DPP9: variants seen among roughly 807,000 people sequenced by gnomAD.
The protein encoded by DPP9 is dipeptidyl peptidase IV-related protein-2.
Under a neutral mutation model 110.7 loss-of-function variants are expected in DPP9, and 50 were observed. The observed-to-expected ratio is 0.45, with a 90% CI of 0.36 to 0.57. DPP9 has a LOEUF of 0.57. DPP9 is among the 20% of genes least tolerant of loss of function. DPP9 has a pLI of 0.00. For missense variants in DPP9, 1,022 were observed against 1,217.9 expected (o/e 0.84, Z 2.39); for synonymous variants, 561 against 514.4 (o/e 1.09, Z -1.23).
At chr19:4,691,677 T>G (rs1795749955) in intron 13 of DPP9, among the ~76,000 whole-genome samples, 3 of 145,704 alleles carry the variant, frequency 2.1e-5, no homozygotes, top group Non-Finnish European at 4.5e-5. Context: ...AGACTTTTTT[T>G]TTTTTTTTTT....
intron 2 of DPP9, among the ~76,000 whole-genome samples, 197 bp from the exon 3 acceptor site, chr19:4,720,138 C>T (rs888283335): frequency 6.6e-6 from 1 of 152,180 alleles, no homozygotes; most frequent in Non-Finnish European, 1.5e-5. Flanking sequence ...TGGGCATTTG[C>T]CAGAGCCCGT....
intron 10 of DPP9, among the ~76,000 whole-genome samples, chr19:4,699,970 C>T (rs1014533342): frequency 2.6e-5 from 4 of 152,202 alleles, no homozygotes; most frequent in Admixed American, 6.5e-5. Context: ...TTCCTTACCG[C>T]GGCGTGGCCT....
In DPP9 at chr19:4,695,924, A is replaced by G. The variant is rs551066646; in HGVS notation, c.1176-369T>C. On this transcript the variant is annotated intron_variant, in intron 11 of 21. Coordinates refer to ENST00000262960, the MANE Select transcript of DPP9 (RefSeq NM_139159.5). This position sits in a 1 kb window ranked among gnomAD's most constrained non-coding sequence, Gnocchi z 4.7. Reference sequence around the variant, plus strand: ...TTATTTCTTTATTTAATTTTTTGAGACAGAGTTTCACTCTTGTCCAGGCTG... The same window carrying G: ...TTATTTCTTTATTTAATTTTTTGAGGCAGAGTTTCACTCTTGTCCAGGCTG... Among the ~76,000 whole-genome samples the G allele has an allele frequency of 6.6e-6, 1 of 152,176 alleles. No homozygotes were observed. Among genetic ancestry groups the G allele is most frequent in the East Asian group, 1.9e-4 (1 of 5,184 alleles).
chr19:4,699,681 C>T lies in DPP9; in HGVS notation c.1074+535G>A, dbSNP rs191622414. ...GAGATGACCCCCAGGTGATGAGGAC[C>T]CTGTGTACTAGATCTGAGGAGGTCG... On this transcript the variant is annotated intron_variant, in intron 10 of 21. Transcript: ENST00000262960. Among the ~76,000 whole-genome samples, 15 of 152,090 alleles carry T rather than the reference C, an allele frequency of 9.9e-5. No homozygotes were observed. In the East Asian group the frequency reaches 2.9e-3, roughly 29 times the overall value.
chr19:4,723,124 A>C (rs574011109), intron 1 of DPP9, among the ~76,000 whole-genome samples: 1 of 152,318 alleles, frequency 6.6e-6, no homozygotes, highest in East Asian at 1.9e-4. Flanking sequence ...GGATACCCTT[A>C]ATAGAGGGAT....
intron 19 of DPP9, 133 bp downstream of exon 19, chr19:4,683,344 C>A (rs763804747): frequency 1.4e-6 from 2 of 1,479,722 alleles, no homozygotes; most frequent in Middle Eastern, 1.9e-4. Flanking sequence ...GAAACAGCCA[C>A]GTGGCAAGGC....
At chr19:4,707,744 G>A (rs1286339530) in intron 4 of DPP9, among the ~76,000 whole-genome samples, 1 of 147,940 alleles carries the variant, frequency 6.8e-6, no homozygotes, top group Non-Finnish European at 1.5e-5. Context: ...TCCTGCCTCA[G>A]CCTCCAGAGT....
intron 4 of DPP9, among the ~76,000 whole-genome samples, chr19:4,708,521 A>G (rs1031765930): frequency 2.0e-5 from 3 of 152,218 alleles, no homozygotes; most frequent in Non-Finnish European, 2.9e-5. Flanking sequence ...ACAACAGCAA[A>G]GACATGGAAT....
At chr19:4,719,803 A>G in intron 3 of DPP9, 48 bp downstream of exon 3, 2 of 1,548,728 alleles carry the variant, frequency 1.3e-6, no homozygotes, top group Non-Finnish European at 1.7e-6. Context: ...GGAATTCCAG[A>G]AGCTGGGCCA....
rs1019392032 is a variant in DPP9, at chr19:4,695,286, G to A, written c.1353+92C>T. On this transcript the variant is annotated intron_variant, in intron 12 of 21. Transcript: ENST00000262960. The surrounding 1 kb of genome is among the most constrained non-coding windows in gnomAD (Gnocchi z 4.7). ...CTCCACACAAGGGCAAACACCACCT[G>A]CCATTGGCGCTCAGCCTTCTAGGAC... The A allele has an allele frequency of 2.0e-5, 27 of 1,342,804 alleles. No individual in the cohort carries two copies. Among genetic ancestry groups the A allele is most frequent in the Non-Finnish European group, 2.6e-5 (26 of 1,003,628 alleles). 83.2% of individuals were successfully genotyped at this position (1,342,804 alleles called of 1,614,324 possible).
At chr19:4,702,293 C>G (rs939653893) in intron 8 of DPP9, 138 bp from the exon 9 acceptor site, 1 of 1,213,270 alleles carries the variant, frequency 8.2e-7, no homozygotes, top group East Asian at 2.6e-5. Flanking sequence ...CTCTGCCATT[C>G]GCTAGACCTT....
intron 10 of DPP9, among the ~76,000 whole-genome samples, chr19:4,697,917 G>C (rs574705896): frequency 3.9e-5 from 6 of 152,296 alleles, no homozygotes; most frequent in Admixed American, 3.9e-4. Flanking sequence ...GACACATAGA[G>C]GGAAGCCGTC....
In DPP9 at chr19:4,705,919, T is replaced by G. The variant is rs754052696; in HGVS notation, c.365A>C (p.Lys122Thr). ...CAGCAGAGCCTCTTTCCGGACCTTC[T>G]TGGGAATCTCAGAGTAGAGGAGGGA... ...ENSLLYSEIP[K>T]KVRKEALLLL... Residue 122 changes from lysine to threonine, a missense_variant, in exon 5 of 22, where the codon AAG (lysine) becomes ACG (threonine). By Grantham distance (78) the Lys-to-Thr change is moderately conservative. Coordinates refer to ENST00000262960, the MANE Select transcript of DPP9 (RefSeq NM_139159.5). 1 of 1,613,938 alleles carries G rather than the reference T, an allele frequency of 6.2e-7. No individual in the cohort carries two copies. Among genetic ancestry groups the G allele is most frequent in the Non-Finnish European group, 8.5e-7 (1 of 1,179,842 alleles).
chr19:4,714,331 C>A lies in DPP9; in HGVS notation c.63G>T (p.Ser21=). Residue 21 remains serine, a synonymous_variant, in exon 4 of 22, where the codon TCG becomes TCT. Coordinates refer to ENST00000262960, the MANE Select transcript of DPP9 (RefSeq NM_139159.5). ...KENTGSWRSF[S]LNSEGAERMA... The stretch of plus-strand genomic sequence containing the variant: ...TCCTCTCAGCCCCCTCGGAATTCAG[C>A]GAGAAGCTGCGGGGAGGAAGCAAAG... 4 of 1,496,656 alleles carry A rather than the reference C, an allele frequency of 2.7e-6. No individual in the cohort carries two copies. In the South Asian group the frequency reaches 3.7e-5, roughly 14 times the overall value. 92.7% of individuals were successfully genotyped at this position (1,496,656 alleles called of 1,614,324 possible). A position where few individuals can be genotyped will look rare whatever the true frequency, so the allele number is the denominator to read the frequency against.
chr19:4,706,080 C>T (rs1397245190), intron 4 of DPP9, 110 bp from the exon 5 acceptor site: 6 of 960,644 alleles, frequency 6.2e-6, no homozygotes, highest in Non-Finnish European at 9.2e-6. Flanking sequence ...GAACATTCTG[C>T]CAGGCCGCCG....
At chr19:4,719,434 C>G (rs1425064451) in intron 3 of DPP9, 1 of 169,740 alleles carries the variant, frequency 5.9e-6, no homozygotes, top group East Asian at 1.5e-4. Flanking sequence ...GAGTGGAGCC[C>G]CAGTCTCTTG....
In DPP9 at chr19:4,685,918, AC is replaced by A. The variant is rs1318717609; in HGVS notation, c.1886-148del. 1.7e-5 allele frequency: 16 copies of A among 942,828 alleles called. No homozygotes were observed. The highest frequency in any genetic ancestry group is 8.9e-5 in the South Asian group (5 of 56,282). The allele number at this position is 942,828 out of a possible 1,614,324, so 58.4% of individuals were successfully genotyped here. A position where few individuals can be genotyped will look rare whatever the true frequency, so the allele number is the denominator to read the frequency against. On this transcript the variant is annotated intron_variant, in intron 16 of 21. Coordinates refer to ENST00000262960, the MANE Select transcript of DPP9 (RefSeq NM_139159.5). This position sits in a 1 kb window ranked among gnomAD's most constrained non-coding sequence, Gnocchi z 5.8. ...TCCCGAGAGTTGATAATTGAAAAAA[AC>A]GTTTTTTTTTCATTAAATAAGATTT...
intron 13 of DPP9, among the ~76,000 whole-genome samples, chr19:4,692,115 C>G (rs1042119107): frequency 6.6e-6 from 1 of 152,072 alleles, no homozygotes; most frequent in Admixed American, 6.6e-5. Context: ...GCCACATCCC[C>G]GGCTGGAACA....
chr19:4,701,517 T>C (rs1472430370), intron 9 of DPP9, among the ~76,000 whole-genome samples: 3 of 152,196 alleles, frequency 2.0e-5, no homozygotes, highest in Non-Finnish European at 4.4e-5. Context: ...GAGGGCCAAA[T>C]CCAGCCTGCC....
Sources: gnomAD v4.1 joint callset for allele counts (sites outside exome capture counted in the v4.1 genomes callset) on GRCh38, gnomAD v4.1.1 for gene constraint, Gnocchi (gnomAD v3.1) non-coding constraint, MANE v1.5 for transcripts, NCBI Gene and HGNC (gene_info 2026-07-23, HGNC 2026-07-21) for gene names.